DOCK1: variants seen among roughly 807,000 people sequenced by gnomAD.
DOCK1 encodes the protein dedicator of cytokinesis 1.
DOCK1 carries 138 observed loss-of-function variants against 262.7 expected under a neutral mutation model. That is an observed-to-expected ratio of 0.53 (90% CI 0.46 to 0.61). The LOEUF is 0.61. Among genes scored for constraint, DOCK1 ranks in the 20% least tolerant of loss-of-function variants. The probability of loss-of-function intolerance (pLI) is 0.00; values close to 1 mark genes in which losing one functional copy is unlikely to be tolerated. For synonymous variants in DOCK1, 866 were observed against 867.4 expected, an observed-to-expected ratio of 1.00 and a Z score of 0.03; for missense variants, 1,908 against 2,370.7, an observed-to-expected ratio of 0.80 and a Z score of 4.05.
intron 29 of DOCK1, among the ~76,000 whole-genome samples, chr10:127,330,791 A>G (rs961711353): frequency 1.3e-5 from 2 of 152,260 alleles, no homozygotes; most frequent in African/African-American, 4.8e-5. Flanking sequence ...AATAAGCTAT[A>G]GAAGAAGTCA....
At position 127,257,409 on chromosome 10, in the gene DOCK1, C is replaced by T; in HGVS notation, c.3024C>T (p.Ile1008=). The T allele has an allele frequency of 6.2e-7, 1 of 1,605,880 alleles. No homozygotes were observed. Among genetic ancestry groups the T allele is most frequent in the Non-Finnish European group, 8.5e-7 (1 of 1,175,770 alleles). The change falls in exon 29 of 52, where the codon ATC becomes ATT. Residue 1008 remains isoleucine (I), a synonymous_variant. Transcript: ENST00000623213. ...GKNVYPFDWV[I]MNMVQNKVFL... ...ACGTTTACCCCTTCGACTGGGTGAT[C>T]ATGAACATGGTGCAAAATAAGTAAG...
intron 20 of DOCK1, 119 bp from the exon 21 acceptor site, chr10:127,042,945 C>A (rs1040918952): frequency 1.1e-6 from 1 of 889,048 alleles, no homozygotes; most frequent in South Asian, 1.8e-5. Flanking sequence ...TAGCCACCAA[C>A]TTCTATCTGA....
chr10:127,102,010 T>C (rs1828713207), intron 23 of DOCK1, among the ~76,000 whole-genome samples: 2 of 152,180 alleles, frequency 1.3e-5, no homozygotes, highest in African/African-American at 2.4e-5. Flanking sequence ...TACGATTTAG[T>C]GCTCTTTTGA....
intron 29 of DOCK1, among the ~76,000 whole-genome samples, chr10:127,262,029 CATGTGTGT>C (rs2060171668): frequency 1.0e-5 from 1 of 96,190 alleles, no homozygotes; most frequent in East Asian, 3.2e-4. Flanking sequence ...CATGTGTGTG[CATGTGTGT>C]GTGTGTGTGT....
intron 1 of DOCK1, among the ~76,000 whole-genome samples, chr10:126,928,785 C>T (rs1215999133): frequency 6.6e-6 from 1 of 152,226 alleles, no homozygotes; most frequent in Non-Finnish European, 1.5e-5. Context: ...GGCAATTTAC[C>T]ACCCAATTTA....
intron 27 of DOCK1, among the ~76,000 whole-genome samples, chr10:127,140,277 T>C (rs1592180918): frequency 1.3e-5 from 2 of 152,220 alleles, no homozygotes; most frequent in Non-Finnish European, 2.9e-5. Flanking sequence ...ATCTGAGTTC[T>C]TGTTAACAAA....
At position 127,097,518 on chromosome 10, in the gene DOCK1, CCT is replaced by C. The variant is rs373246100; in HGVS notation, c.2446-8707_2446-8706del. Among the ~76,000 whole-genome samples, 993 of 152,214 alleles carry C rather than the reference CCT, an allele frequency of 6.5e-3. 5 individuals are homozygous for C. Among genetic ancestry groups the C allele is most frequent in the Non-Finnish European group, 0.01 (708 of 68,016 alleles). ...GTGGTAATTTCAGTTTCTCCTTAGG[CCT>C]CTCTCATGCCTGAGTGTGCATGGGA... On this transcript the variant is annotated intron_variant, in intron 23 of 51. Transcript: ENST00000623213.
chr10:127,019,643 G>T (rs752591718), intron 13 of DOCK1, among the ~76,000 whole-genome samples: 4 of 152,162 alleles, frequency 2.6e-5, no homozygotes, highest in Non-Finnish European at 4.4e-5. Flanking sequence ...AGTTACTTTG[G>T]GGGGCTGAGG....
intron 27 of DOCK1, among the ~76,000 whole-genome samples, chr10:127,210,252 T>G (rs1335047791): frequency 1.3e-5 from 2 of 152,212 alleles, no homozygotes; most frequent in African/African-American, 4.8e-5. Context: ...CGCTCTGGAC[T>G]TCGGCGGTGC....
chr10:127,251,420 G>A (rs1480175596), intron 28 of DOCK1, among the ~76,000 whole-genome samples: 2 of 150,960 alleles, frequency 1.3e-5, no homozygotes, highest in African/African-American at 4.9e-5. Flanking sequence ...TAGTGTACAT[G>A]TGCACAATGT....
intron 27 of DOCK1, among the ~76,000 whole-genome samples, chr10:127,187,161 T>C (rs138151296): frequency 0.013 from 2,003 of 152,344 alleles, 14 homozygotes; most frequent in Middle Eastern, 0.037. Flanking sequence ...CATAACACAT[T>C]AAGTGTTAAA....
chr10:127,252,284 T>C (rs1275708124), intron 28 of DOCK1, among the ~76,000 whole-genome samples: 1 of 150,564 alleles, frequency 6.6e-6, no homozygotes, highest in East Asian at 1.9e-4. Flanking sequence ...TTCTGGATAT[T>C]AGCCCTTTGT....
chr10:127,208,408 T>C (rs780975429), intron 27 of DOCK1, among the ~76,000 whole-genome samples: 10 of 152,180 alleles, frequency 6.6e-5, no homozygotes, highest in Admixed American at 1.3e-4. Context: ...ATCTTTGCTG[T>C]AGGGTTTTAA....
intron 24 of DOCK1, among the ~76,000 whole-genome samples, chr10:127,109,545 C>T (rs2048740292): frequency 6.6e-6 from 1 of 152,102 alleles, no homozygotes; most frequent in Non-Finnish European, 1.5e-5. Context: ...GTCATTTTTC[C>T]TTCCTAGCCC....
intron 23 of DOCK1, among the ~76,000 whole-genome samples, chr10:127,075,133 C>A (rs370172444): frequency 1.5e-5 from 2 of 133,972 alleles, no homozygotes; most frequent in East Asian, 2.3e-4. Context: ...TGCACCATTG[C>A]ACTCCAGCCT....
intron 21 of DOCK1, among the ~76,000 whole-genome samples, 182 bp downstream of exon 21, chr10:127,043,346 A>C (rs1041360779): frequency 8.5e-5 from 13 of 152,196 alleles, no homozygotes; most frequent in African/African-American, 3.1e-4. Context: ...GTTGAAAGAG[A>C]TATGTGATAA....
intron 25 of DOCK1, among the ~76,000 whole-genome samples, chr10:127,117,791 C>G (rs1037091767): frequency 6.6e-6 from 1 of 152,130 alleles, no homozygotes; most frequent in Non-Finnish European, 1.5e-5. Flanking sequence ...AAGCAAGTCC[C>G]TGAGTCTCTT....
chr10:127,129,508 C>G (rs1256830121), intron 27 of DOCK1, among the ~76,000 whole-genome samples: 1 of 152,144 alleles, frequency 6.6e-6, no homozygotes, highest in East Asian at 1.9e-4. Flanking sequence ...ATTTGGAACA[C>G]ATTAATATGG....
intron 1 of DOCK1, among the ~76,000 whole-genome samples, chr10:126,946,960 G>C (rs1469571445): frequency 2.0e-5 from 3 of 152,176 alleles, no homozygotes; most frequent in Non-Finnish European, 4.4e-5. Flanking sequence ...TTGTGAAGCA[G>C]ATCAATGCAG....
Sources: gnomAD v4.1 joint callset for allele counts (sites outside exome capture counted in the v4.1 genomes callset) on GRCh38, gnomAD v4.1.1 for gene constraint, MANE v1.5 for transcripts, NCBI Gene and HGNC (gene_info 2026-07-23, HGNC 2026-07-21) for gene names.